Variants in DNM2 observed in about 807,000 individuals in gnomAD.
The protein encoded by DNM2 is dynamin 2, also known as dynamin-2.
DNM2 carries 15 observed loss-of-function variants against 99.0 expected under a neutral mutation model. That is an observed-to-expected ratio of 0.15 (90% CI 0.10 to 0.23). The LOEUF (loss-of-function observed/expected upper bound fraction) is 0.23, where lower values mean the gene tolerates loss of function less well. Ranked by LOEUF, DNM2 falls within the 10% of genes least tolerant of loss-of-function variation. The probability of loss-of-function intolerance (pLI) is 1.00; values close to 1 mark genes in which losing one functional copy is unlikely to be tolerated. For synonymous variants in DNM2, 525 were observed against 481.2 expected (o/e 1.09, Z -1.19); for missense variants, 742 against 1,189.4 (o/e 0.62, Z 5.53).
rs954314539 is a variant in DNM2 at position 10,830,802 on chromosome 19, G to A, written c.2544-176G>A. 5.9e-5 allele frequency among the ~76,000 whole-genome samples: 9 copies of A among 152,202 alleles called. No homozygotes were observed. In the East Asian group the frequency reaches 1.2e-3, roughly 20 times the overall value. ...GCTCACTGAGGGTCAAACAGCAGGC[G>A]AGTTGATGCCTAGGTTTGGCACTCC... On this transcript the variant is annotated intron_variant, in intron 20 of 20. Transcript: ENST00000389253. The surrounding 1 kb of genome is among the most constrained non-coding windows in gnomAD (Gnocchi z 4.8).
At chr19:10,747,866 C>T (rs142842798) in intron 1 of DNM2, among the ~76,000 whole-genome samples, 54 of 151,270 alleles carry the variant, frequency 3.6e-4, no homozygotes, top group Middle Eastern at 6.8e-3. Flanking sequence ...CTTCCTATGG[C>T]GGGGGGAGGG....
intron 1 of DNM2, among the ~76,000 whole-genome samples, chr19:10,748,680 T>TGGC (rs762920280): frequency 3.3e-5 from 5 of 152,218 alleles, no homozygotes; most frequent in African/African-American, 7.2e-5. Context: ...ATTCGTGTCC[T>TGGC]GGCTCTGCTC....
Position 10,775,201 on chromosome 19 carries a change from C to T in DNM2, c.386-502C>T, listed in dbSNP as rs1203919906. On this transcript the variant is annotated intron_variant, in intron 3 of 20. Coordinates refer to ENST00000389253, the MANE Select transcript of DNM2 (RefSeq NM_001005361.3). The surrounding 1 kb of genome is among the most constrained non-coding windows in gnomAD (Gnocchi z 4.3). ...GGTTCAAGTGTTTCTCATGCCTCAG[C>T]CTCCAGAGTAGCTGGGAGTACAAGT... Among the ~76,000 whole-genome samples, 1 of 152,154 alleles carries T rather than the reference C, an allele frequency of 6.6e-6. No homozygotes were observed.
chr19:10,803,687 G>A, intron 12 of DNM2: 2 of 986,388 alleles, frequency 2.0e-6, no homozygotes, highest in Non-Finnish European at 2.4e-6. Flanking sequence ...TGCCTGCTGT[G>A]TGCCTTTGCC....
At position 10,818,139 on chromosome 19, in the gene DNM2, G is replaced by A. The variant is rs531434010; in HGVS notation, c.1672-1841G>A. Among the ~76,000 whole-genome samples the A allele has an allele frequency of 6.6e-6, 1 of 152,258 alleles. No individual in the cohort carries two copies. The highest frequency in any genetic ancestry group is 2.4e-5 in the African/African-American group (1 of 41,558). ...TACCCAGCCTTGCCTGGGATGACGG[G>A]TGCAGGCTTTCTTCATCACCTTCCC... On this transcript the variant is annotated intron_variant, in intron 15 of 20. Transcript: ENST00000389253. The surrounding 1 kb of genome is among the most constrained non-coding windows in gnomAD (Gnocchi z 4.3).
At chr19:10,761,835 C>T (rs975323591) in intron 2 of DNM2, among the ~76,000 whole-genome samples, 1 of 152,124 alleles carries the variant, frequency 6.6e-6, no homozygotes, top group African/African-American at 2.4e-5. Flanking sequence ...AGACAGCAGC[C>T]GATGGGCCCA....
intron 4 of DNM2, among the ~76,000 whole-genome samples, chr19:10,776,612 T>C (rs1451064829): frequency 6.6e-6 from 1 of 152,242 alleles, no homozygotes; most frequent in African/African-American, 2.4e-5. Flanking sequence ...GAGGTGAGAC[T>C]TTGCTAGAAA....
intron 1 of DNM2, 87 bp from the exon 2 acceptor site, chr19:10,759,651 A>G (rs997220776): frequency 1.9e-6 from 3 of 1,552,522 alleles, no homozygotes; most frequent in East Asian, 2.2e-5. Flanking sequence ...AAATTGCAAG[A>G]CAGAGTTGCT....
chr19:10,755,352 G>A (rs2070344769), intron 1 of DNM2: 1 of 152,150 alleles, frequency 6.6e-6, no homozygotes, highest in Non-Finnish European at 1.5e-5. Flanking sequence ...TTCAAAAATA[G>A]TCATTGAAAG....
In DNM2 at chr19:10,808,773, G is replaced by A. The variant is rs146942869; in HGVS notation, c.1557+193G>A. On this transcript the variant is annotated intron_variant, in intron 14 of 20. Coordinates refer to ENST00000389253, the MANE Select transcript of DNM2 (RefSeq NM_001005361.3). The stretch of plus-strand genomic sequence containing the variant: ...CCCTGGGTATAAGTCGACTCACACA[G>A]GCACTAACTGGACCGCCACCCTTGA... The A allele has an allele frequency of 0.016, 8,368 of 535,286 alleles. 114 individuals carry two copies. The highest frequency in any genetic ancestry group is 0.018 in the Non-Finnish European group (5,793 of 313,680). The allele number at this position is 535,286 out of a possible 1,614,324, so 33.2% of individuals were successfully genotyped here.
At chr19:10,814,684 A>T (rs11085747) in intron 15 of DNM2, among the ~76,000 whole-genome samples, 41,562 of 151,110 alleles carry the variant, frequency 0.28, 5,886 homozygotes, top group East Asian at 0.57. Context: ...TCTACCTTTT[A>T]TTTTTTTAGC....
chr19:10,827,325 T>G (rs1345559139), intron 18 of DNM2, among the ~76,000 whole-genome samples: 1 of 152,222 alleles, frequency 6.6e-6, no homozygotes, highest in East Asian at 1.9e-4. Context: ...CAAAGTGAGC[T>G]TATACATGCT....
intron 1 of DNM2, among the ~76,000 whole-genome samples, chr19:10,736,572 A>AC (rs2069534058): frequency 6.6e-6 from 1 of 152,176 alleles, no homozygotes; most frequent in Non-Finnish European, 1.5e-5. Context: ...ATCATTGTGT[A>AC]TTAGTACGTG....
rs1251975017 is a variant in DNM2, at chr19:10,796,205, G to A, written c.1196+766G>A. The stretch of plus-strand genomic sequence containing the variant: ...TTAGGCAGTGTACCAGTAAGGTATT[G>A]CTCCCTCGGCAGGGTGACTCCTGAC... On this transcript the variant is annotated intron_variant, in intron 9 of 20. Transcript: ENST00000389253. The surrounding 1 kb of genome is among the most constrained non-coding windows in gnomAD (Gnocchi z 5.6). 1 of 1,614,018 alleles carries A rather than the reference G, an allele frequency of 6.2e-7. No individual in the cohort carries two copies. The highest frequency in any genetic ancestry group is 1.3e-5 in the African/African-American group (1 of 75,046).
rs191241053 is a variant in DNM2 at position 10,825,272 on chromosome 19, C to T, written c.2058+51C>T. ...GGAGGTAGCTGGGTGCGGTGGCTCA[C>T]GCCTGTAATCCCAGCACTTTGGGAG... On this transcript the variant is annotated intron_variant, in intron 18 of 20. Transcript: ENST00000389253. The T allele has an allele frequency of 1.0e-5, 16 of 1,607,450 alleles. No homozygotes were observed. In the East Asian group the frequency reaches 2.7e-4, roughly 27 times the overall value.
intron 7 of DNM2, among the ~76,000 whole-genome samples, chr19:10,791,386 C>T (rs1400465606): frequency 1.3e-5 from 2 of 152,184 alleles, no homozygotes; most frequent in Non-Finnish European, 2.9e-5. Flanking sequence ...CCATGCCCAG[C>T]CCAACTCCCC....
intron 1 of DNM2, among the ~76,000 whole-genome samples, chr19:10,741,728 T>C (rs1031518644): frequency 6.6e-5 from 10 of 151,872 alleles, no homozygotes; most frequent in Admixed American, 4.6e-4. Context: ...TTTTTTTGTA[T>C]TTTTAGTAGA....
intron 15 of DNM2, among the ~76,000 whole-genome samples, chr19:10,813,772 G>A (rs1466797021): frequency 6.6e-6 from 1 of 150,820 alleles, no homozygotes; most frequent in East Asian, 2.0e-4. Context: ...GCTGTGGTGA[G>A]CTATGATCAC....
rs1022783283 is a variant in DNM2, at chr19:10,797,252, G to T, written c.1197-128G>T. On this transcript the variant is annotated intron_variant, in intron 9 of 20. Coordinates refer to ENST00000389253, the MANE Select transcript of DNM2 (RefSeq NM_001005361.3). ...GCTTCCGGGGCAAATGCGGGCGCAG[G>T]CTCCCCCATGCATGGACTAATCAGA... 27 of 1,377,016 alleles carry T rather than the reference G, an allele frequency of 2.0e-5. No individual in the cohort carries two copies. The Middle Eastern group carries it at 7.4e-4, about 38-fold the overall frequency. 85.3% of individuals were successfully genotyped at this position (1,377,016 alleles called of 1,614,324 possible).
Sources: gnomAD v4.1 joint callset for allele counts (sites outside exome capture counted in the v4.1 genomes callset) on GRCh38, gnomAD v4.1.1 for gene constraint, Gnocchi (gnomAD v3.1) non-coding constraint, MANE v1.5 for transcripts, NCBI Gene and HGNC (gene_info 2026-07-23, HGNC 2026-07-21) for gene names.